Variants in FYB1 observed in about 807,000 individuals in gnomAD.
The protein encoded by FYB1 is FYN-binding protein 1.
FYB1 carries 41 observed loss-of-function variants against 94.1 expected under a neutral mutation model. That is an observed-to-expected ratio of 0.44 (90% CI 0.34 to 0.57). The LOEUF is 0.57. Among genes scored for constraint, FYB1 ranks in the 20% least tolerant of loss-of-function variants. The pLI, the probability that FYB1 is intolerant of heterozygous loss-of-function variation, is 0.02. For synonymous variants in FYB1, 367 were observed against 353.2 expected (o/e 1.04, Z -0.44); for missense variants, 1,050 against 976.8 (o/e 1.07, Z -1.00).
chr5:39,131,508 G>C (rs565016742), intron 9 of FYB1, among the ~76,000 whole-genome samples: 1 of 152,210 alleles, frequency 6.6e-6, no homozygotes, highest in South Asian at 2.1e-4. Context: ...AACGTTAAAA[G>C]TGGGTGAAAG....
intron 2 of FYB1, among the ~76,000 whole-genome samples, chr5:39,163,269 T>C (rs1744434185): frequency 6.6e-6 from 1 of 152,226 alleles, no homozygotes; most frequent in Non-Finnish European, 1.5e-5. Context: ...ACTGTAATTA[T>C]ATTAGTATGA....
intron 1 of FYB1, among the ~76,000 whole-genome samples, chr5:39,238,320 G>A (rs1751059256): frequency 6.6e-6 from 1 of 152,010 alleles, no homozygotes; most frequent in African/African-American, 2.4e-5. Context: ...AAATCTTAAG[G>A]AAGCCTGAGT....
intron 1 of FYB1, 64 bp from the exon 2 acceptor site, chr5:39,203,051 C>A: frequency 7.1e-7 from 1 of 1,413,644 alleles, no homozygotes; most frequent in Non-Finnish European, 9.8e-7. Flanking sequence ...GTTTAAAATA[C>A]TATACCTTAC....
At chr5:39,174,653 G>A (rs975345842) in intron 2 of FYB1, among the ~76,000 whole-genome samples, 4 of 152,074 alleles carry the variant, frequency 2.6e-5, no homozygotes, top group Admixed American at 2.6e-4. Flanking sequence ...ATGAGCTCCC[G>A]GACTAAAATC....
In FYB1 at chr5:39,111,107, T is replaced by C. The variant is rs181374549; in HGVS notation, c.2402-718A>G. Among the ~76,000 whole-genome samples, 679 of 152,108 alleles carry C rather than the reference T, an allele frequency of 4.5e-3. 2 individuals are homozygous for C. Among genetic ancestry groups the C allele is most frequent in the South Asian group, 0.01 (50 of 4,824 alleles). On this transcript the variant is annotated intron_variant, in intron 16 of 18. Coordinates refer to ENST00000512982, the MANE Select transcript of FYB1 (RefSeq NM_001465.6). ...AAGCTAAGTTTTGTTGTTGTTGTTG[T>C]GTGAGGGGCACCTTATATTTGCCTC...
intron 1 of FYB1, among the ~76,000 whole-genome samples, chr5:39,243,840 T>C (rs1468570768): frequency 6.6e-6 from 1 of 152,170 alleles, no homozygotes; most frequent in Non-Finnish European, 1.5e-5. Flanking sequence ...GTAGTTCTCC[T>C]TGAAGAGGTG....
At chr5:39,239,977 C>T (rs886213690) in intron 1 of FYB1, among the ~76,000 whole-genome samples, 2 of 151,854 alleles carry the variant, frequency 1.3e-5, no homozygotes, top group Admixed American at 6.6e-5. Context: ...CAAAAACAGA[C>T]ACATAGACCA....
intron 1 of FYB1, among the ~76,000 whole-genome samples, chr5:39,231,977 G>A (rs1003027298): frequency 1.3e-5 from 2 of 152,132 alleles, no homozygotes; most frequent in African/African-American, 2.4e-5. Context: ...CTGGAAGCAT[G>A]TTTAAGACAG....
intron 2 of FYB1, among the ~76,000 whole-genome samples, chr5:39,197,081 C>T (rs1747899665): frequency 6.6e-6 from 1 of 152,074 alleles, no homozygotes; most frequent in African/African-American, 2.4e-5. Flanking sequence ...AGGTAGAAGG[C>T]TATGAAAACA....
At chr5:39,119,789 T>A (rs1339608562) in intron 14 of FYB1, among the ~76,000 whole-genome samples, 155 bp from the exon 15 acceptor site, 1 of 152,142 alleles carries the variant, frequency 6.6e-6, no homozygotes, top group Non-Finnish European at 1.5e-5. Flanking sequence ...TAATAAATGA[T>A]GACATTCCAT....
chr5:39,237,872 C>T (rs1435035120), intron 1 of FYB1, among the ~76,000 whole-genome samples: 1 of 152,068 alleles, frequency 6.6e-6, no homozygotes, highest in Admixed American at 6.6e-5. Context: ...AAGCATCACT[C>T]AGGGAATGCG....
rs1214305611 is a variant in FYB1 at position 39,105,867 on chromosome 5, C to T, written c.*1576G>A. ...TTAGTGGCATCTAATCTTGGGGCCT[C>T]AGACACCCAAAATCTATATATTGAC... On this transcript the variant is annotated 3_prime_UTR_variant, in exon 19 of 19. Coordinates refer to ENST00000512982, the MANE Select transcript of FYB1 (RefSeq NM_001465.6). The T allele has an allele frequency of 6.6e-6, 1 of 152,034 alleles. No individual in the cohort carries two copies. Among genetic ancestry groups the T allele is most frequent in the Non-Finnish European group, 1.5e-5 (1 of 67,998 alleles). The allele number at this position is 152,034 out of a possible 1,614,324, so 9.4% of individuals were successfully genotyped here.
intron 15 of FYB1, among the ~76,000 whole-genome samples, 171 bp downstream of exon 15, chr5:39,119,364 A>G (rs1183099270): frequency 6.6e-6 from 1 of 152,132 alleles, no homozygotes; most frequent in Non-Finnish European, 1.5e-5. Context: ...ATTTTGTTCA[A>G]AATAAAAGAG....
chr5:39,129,319 T>A (rs1471870877), intron 10 of FYB1, among the ~76,000 whole-genome samples: 2 of 151,904 alleles, frequency 1.3e-5, no homozygotes, highest in African/African-American at 2.4e-5. Flanking sequence ...CAAGATAGAT[T>A]AAGGATTTAA....
chr5:39,196,531 A>G (rs930711642), intron 2 of FYB1, among the ~76,000 whole-genome samples: 18 of 152,158 alleles, frequency 1.2e-4, no homozygotes, highest in African/African-American at 4.1e-4. Flanking sequence ...TAAACTTGAG[A>G]AGCTAACAAA....
intron 2 of FYB1, among the ~76,000 whole-genome samples, chr5:39,154,648 A>T (rs1397822667): frequency 6.6e-6 from 1 of 152,034 alleles, no homozygotes; most frequent in East Asian, 1.9e-4. Flanking sequence ...CTGGGATTAT[A>T]GGTGCCTGCC....
chr5:39,232,993 G>A (rs1216037868), intron 1 of FYB1, among the ~76,000 whole-genome samples: 2 of 151,996 alleles, frequency 1.3e-5, no homozygotes, highest in Non-Finnish European at 2.9e-5. Flanking sequence ...TTGGTTCCAA[G>A]TCTTTGCTAT....
intron 17 of FYB1, among the ~76,000 whole-genome samples, chr5:39,108,575 G>T (rs1484573136): frequency 1.3e-5 from 2 of 151,922 alleles, no homozygotes; most frequent in Non-Finnish European, 1.5e-5. Context: ...ACTCCCATTG[G>T]GGATGTTAAT....
chr5:39,205,316 G>A (rs776492225), intron 1 of FYB1, among the ~76,000 whole-genome samples: 1 of 152,152 alleles, frequency 6.6e-6, no homozygotes, highest in Non-Finnish European at 1.5e-5. Context: ...TGGACAAAAG[G>A]CATCAAAATT....
Sources: gnomAD v4.1 joint callset for allele counts (sites outside exome capture counted in the v4.1 genomes callset) on GRCh38, gnomAD v4.1.1 for gene constraint, MANE v1.5 for transcripts, NCBI Gene and HGNC (gene_info 2026-07-23, HGNC 2026-07-21) for gene names.